Variants in GRK3 observed in about 807,000 individuals in gnomAD.
The protein encoded by GRK3 is G protein-coupled receptor kinase 3, also known as adrenergic, beta, receptor kinase 2.
A neutral mutation model predicts 95.7 loss-of-function variants in GRK3; 54 were observed. The observed-to-expected ratio is 0.56, with a 90% CI of 0.45 to 0.71. The LOEUF is 0.71. Among genes scored for constraint, GRK3 ranks in the 30% least tolerant of loss-of-function variants. The pLI is 0.00. For synonymous variants in GRK3, 281 were observed against 290.8 expected (o/e 0.97, Z 0.34); for missense variants, 649 against 851.2 (o/e 0.76, Z 2.96).
rs190960355 is a variant in GRK3 at position 25,722,327 on chromosome 22, C to T, written c.1944C>T (p.Asn648=). Residue 648 remains asparagine, a synonymous_variant, in exon 21 of 21, where the codon AAC becomes AAT. Transcript: ENST00000324198. ...TTGTGCAGTGGAAGAAAGAGTTGAA[C>T]GAAACCTTCAAGGAGGCCCAGCGGC... ...PEFVQWKKEL[N]ETFKEAQRLL... is the part of the protein sequence containing the mutation. 66 of 1,614,192 alleles carry T rather than the reference C, an allele frequency of 4.1e-5. No homozygotes were observed. The highest frequency in any genetic ancestry group is 1.2e-4 in the Admixed American group (7 of 60,024).
chr22:25,681,828 G>A (rs1295757880), intron 9 of GRK3, among the ~76,000 whole-genome samples: 2 of 152,094 alleles, frequency 1.3e-5, no homozygotes, highest in Non-Finnish European at 2.9e-5. Flanking sequence ...TTACTTAATG[G>A]TCTACTTCTA....
intron 3 of GRK3, among the ~76,000 whole-genome samples, chr22:25,649,476 G>A (rs780763700): frequency 3.0e-4 from 45 of 152,170 alleles, no homozygotes; most frequent in Non-Finnish European, 5.6e-4. Flanking sequence ...AGATACTGAT[G>A]ACAGTGTGAG....
At chr22:25,612,129 G>T (rs1045943237) in intron 2 of GRK3, among the ~76,000 whole-genome samples, 1 of 152,032 alleles carries the variant, frequency 6.6e-6, no homozygotes, top group African/African-American at 2.4e-5. Flanking sequence ...CACCAAGCCC[G>T]GCCTTTAGTG....
chr22:25,705,707 A>G (rs1256166446), intron 15 of GRK3, among the ~76,000 whole-genome samples: 1 of 152,154 alleles, frequency 6.6e-6, no homozygotes, highest in Non-Finnish European at 1.5e-5. Flanking sequence ...GCTGCAATGA[A>G]AAAGAGGTGC....
rs80300582 is a variant in GRK3 at position 25,568,176 on chromosome 22, T to TA, written c.113+3024dup. 2.0e-3 allele frequency among the ~76,000 whole-genome samples: 300 copies of TA among 152,380 alleles called. 9 individuals carry two copies. The East Asian group carries it at 0.051, about 26-fold the overall frequency. ...ATTTAGATGTGCAGGCCAGTTGTTT[T>TA]ACATCATGTTGGAAAAGAAATACTT... On this transcript the variant is annotated intron_variant, in intron 1 of 20. Coordinates refer to ENST00000324198, the MANE Select transcript of GRK3 (RefSeq NM_005160.4).
chr22:25,588,125 T>G (rs367820290), intron 1 of GRK3, among the ~76,000 whole-genome samples: 7 of 152,294 alleles, frequency 4.6e-5, no homozygotes, highest in Admixed American at 2.6e-4. Flanking sequence ...AAGGGATAGT[T>G]TCAAGTATAA....
At chr22:25,673,841 T>C (rs1324850374) in intron 7 of GRK3, among the ~76,000 whole-genome samples, 1 of 152,012 alleles carries the variant, frequency 6.6e-6, no homozygotes, top group Non-Finnish European at 1.5e-5. Context: ...GAATACAGCC[T>C]CTGTATATAC....
intron 17 of GRK3, among the ~76,000 whole-genome samples, chr22:25,712,370 C>T (rs976115249): frequency 1.3e-5 from 2 of 152,220 alleles, no homozygotes; most frequent in African/African-American, 2.4e-5. Context: ...ACCATTGATA[C>T]CTGTCAGGTA....
chr22:25,648,643 T>C (rs1004127519), intron 3 of GRK3: 21 of 1,018,162 alleles, frequency 2.1e-5, no homozygotes, highest in African/African-American at 3.2e-5. Context: ...ATTTACATTG[T>C]CACTGAATTG....
At chr22:25,662,900 A>G (rs1224148547) in intron 4 of GRK3, among the ~76,000 whole-genome samples, 1 of 152,084 alleles carries the variant, frequency 6.6e-6, no homozygotes, top group Non-Finnish European at 1.5e-5. Flanking sequence ...TTTAATTTTT[A>G]TCAGTGGGAG....
intron 10 of GRK3, among the ~76,000 whole-genome samples, chr22:25,686,823 T>TTTG (rs1195216077): frequency 6.6e-6 from 1 of 152,098 alleles, no homozygotes; most frequent in African/African-American, 2.4e-5. Flanking sequence ...GTATGATCAG[T>TTTG]TTGTTGTTGT....
chr22:25,659,750 G>T (rs9613002), intron 3 of GRK3, among the ~76,000 whole-genome samples: 1 of 152,144 alleles, frequency 6.6e-6, no homozygotes, highest in Admixed American at 6.5e-5. Flanking sequence ...AGATGCTTTA[G>T]GCTCTTATTT....
chr22:25,567,257 C>T (rs1032532804), intron 1 of GRK3, among the ~76,000 whole-genome samples: 1 of 152,172 alleles, frequency 6.6e-6, no homozygotes, highest in African/African-American at 2.4e-5. Flanking sequence ...GGAACCTCCT[C>T]CTGAGATTCT....
In GRK3 at chr22:25,663,689, A is replaced by T; in HGVS notation, c.426A>T (p.Thr142=). ...VQSHLSKKQV[T]STLFQPYIEE... ...GTCATTTATCCAAGAAACAAGTGAC[A>T]TCAACTCTTTTTCAGGTAAGATAAA... The change falls in exon 5 of 21, where the codon ACA becomes ACT. Residue 142 remains threonine (T), a synonymous_variant. Transcript: ENST00000324198. 2.5e-6 allele frequency: 4 copies of T among 1,610,462 alleles called. No homozygotes were observed. The highest frequency in any genetic ancestry group is 3.4e-6 in the Non-Finnish European group (4 of 1,177,568).
In GRK3 at chr22:25,701,056, AG is replaced by A. The variant is rs376541693; in HGVS notation, c.1161-2453del. On this transcript the variant is annotated intron_variant, in intron 13 of 20. Coordinates refer to ENST00000324198, the MANE Select transcript of GRK3 (RefSeq NM_005160.4). ...TCCAACTCATTTAGGGGAAACGTGC[AG>A]CTGTTCCATTCTATCTGTAGTTCAG... Among the ~76,000 whole-genome samples the A allele has an allele frequency of 1.6e-4, 25 of 152,358 alleles. No homozygotes were observed. The East Asian group carries it at 2.9e-3, about 18-fold the overall frequency.
chr22:25,690,545 C>T (rs1341077415), intron 12 of GRK3, among the ~76,000 whole-genome samples: 1 of 152,162 alleles, frequency 6.6e-6, no homozygotes, highest in Non-Finnish European at 1.5e-5. Context: ...AGCAAAAAAT[C>T]AGAATCCATG....
chr22:25,622,870 A>G (rs556023891), intron 2 of GRK3, among the ~76,000 whole-genome samples: 1 of 152,316 alleles, frequency 6.6e-6, no homozygotes, highest in South Asian at 2.1e-4. Context: ...GTTCAATGCC[A>G]TAGTTTGGGG....
chr22:25,654,191 A>G (rs1161095635), intron 3 of GRK3, among the ~76,000 whole-genome samples: 1 of 152,238 alleles, frequency 6.6e-6, no homozygotes. Context: ...TAAGTCAAAG[A>G]GGAAAGTAAA....
chr22:25,565,196 C>T (rs551949952), intron 1 of GRK3, 43 bp downstream of exon 1: 34 of 1,099,206 alleles, frequency 3.1e-5, no homozygotes, highest in Non-Finnish European at 4.3e-5. Flanking sequence ...GCCGCCGCCC[C>T]CTGCGGCCGC....
Sources: gnomAD v4.1 joint callset for allele counts (sites outside exome capture counted in the v4.1 genomes callset) on GRCh38, gnomAD v4.1.1 for gene constraint, MANE v1.5 for transcripts, NCBI Gene and HGNC (gene_info 2026-07-23, HGNC 2026-07-21) for gene names.